PCNX3: variants seen among roughly 807,000 people sequenced by gnomAD.
PCNX3 encodes the protein pecanex-like protein 3.
PCNX3 carries 58 observed loss-of-function variants against 207.2 expected under a neutral mutation model. The ratio of observed to expected loss-of-function variants is 0.28; its 90% CI spans 0.23 to 0.35. PCNX3 has a LOEUF of 0.35. PCNX3 is among the 10% of genes least tolerant of loss of function. The pLI is 1.00. For missense variants in PCNX3, 2,410 were observed against 2,774.4 expected (o/e 0.87, Z 2.95); for synonymous variants, 1,337 against 1,183.5 (o/e 1.13, Z -2.66).
chr11:65,628,767 G>T, intron 23 of PCNX3, 52 bp from the exon 24 acceptor site: 4 of 1,595,066 alleles, frequency 2.5e-6, no homozygotes, highest in Non-Finnish European at 3.4e-6. Context: ...AGTGGGGGGT[G>T]GTGGGGGGCT....
In PCNX3 at chr11:65,617,473, C is replaced by G. The variant is rs117226025; in HGVS notation, c.445C>G (p.Leu149Val). The G allele has an allele frequency of 4.7e-3, 7,584 of 1,613,914 alleles. 25 individuals carry two copies. The highest frequency in any genetic ancestry group is 5.9e-3 in the Non-Finnish European group (7,002 of 1,179,842). Residue 149 changes from leucine (L) to valine (V), a missense_variant, in exon 4 of 35, where the codon CTG becomes GTG. Coordinates refer to ENST00000355703, the MANE Select transcript of PCNX3 (RefSeq NM_032223.4). ...TCATGGCTCTCTGTCTACTCAGGAG[C>G]TGCTGCCCCGAATGGAGGACTCTGG... ...SVFGFNQVSELLPRMEDSGPL... is the reference protein window; with the variant it reads ...SVFGFNQVSEVLPRMEDSGPL...
At position 65,626,978 on chromosome 11, in the gene PCNX3, G is replaced by T; in HGVS notation, c.3454G>T (p.Ala1152Ser). ...CGTAGAGAAGTACCTCATCTACCCC[G>T]CCGTGGTGCTCAACGCCCTCACGGT... is the stretch of plus-strand genomic sequence containing the variant. ...QCVEKYLIYP[A>S]VVLNALTVDA... is the part of the protein sequence containing the mutation. The change falls in exon 21 of 35, where the codon GCC becomes TCC. Residue 1152 changes from alanine (A) to serine (S), a missense_variant. Transcript: ENST00000355703. The T allele has an allele frequency of 6.4e-7, 1 of 1,560,742 alleles. No homozygotes were observed.
intron 11 of PCNX3, among the ~76,000 whole-genome samples, chr11:65,622,718 C>T (rs1855173293): frequency 1.3e-5 from 2 of 152,058 alleles, no homozygotes; most frequent in South Asian, 4.1e-4. Context: ...GCCTCAGCCT[C>T]CTGAGTAGCT....
In PCNX3 at chr11:65,636,752, C is replaced by A. The variant is rs1316714697; in HGVS notation, c.5893-14C>A. The A allele has an allele frequency of 2.6e-6, 4 of 1,520,532 alleles. No homozygotes were observed. The highest frequency in any genetic ancestry group is 4.0e-5 in the Admixed American group (2 of 49,514). The allele number at this position is 1,520,532 out of a possible 1,614,324, so 94.2% of individuals were successfully genotyped here. ...AAGGCCTGCTCACCCGCCAACCTCT[C>A]CCCCCTCCCCCAGGCGCCTCTAGAC... On this transcript the variant is annotated splice_polypyrimidine_tract_variant and intron_variant, in intron 34 of 34. Coordinates refer to ENST00000355703, the MANE Select transcript of PCNX3 (RefSeq NM_032223.4).
chr11:65,630,437 C>T lies in PCNX3; in HGVS notation c.4303C>T (p.Leu1435=). Residue 1435 remains leucine (L), a synonymous_variant, in exon 27 of 35, where the codon CTG becomes TTG. Coordinates refer to ENST00000355703, the MANE Select transcript of PCNX3 (RefSeq NM_032223.4). The part of the protein sequence containing the change: ...EGCCCCEPGH[L]PRVLSFNAAF... Reference sequence around the variant, plus strand: ...CTGTTGCTGCTGTGAACCTGGCCACCTGCCACGGGTCCTGTCCTTCAATGC... The same window carrying T: ...CTGTTGCTGCTGTGAACCTGGCCACTTGCCACGGGTCCTGTCCTTCAATGC... 1 of 1,613,664 alleles carries T rather than the reference C, an allele frequency of 6.2e-7. No homozygotes were observed. Among genetic ancestry groups the T allele is most frequent in the Non-Finnish European group, 8.5e-7 (1 of 1,179,904 alleles).
chr11:65,637,379 T>TTC lies in PCNX3; in HGVS notation c.*402_*403insCT, dbSNP rs1555002117. ...CTTTCTTTCCTTTTTTTTCTTTTCT[T>TTC]TTTTTTTTTTTTTTTTGTGCTTCGG... On this transcript the variant is annotated 3_prime_UTR_variant, in exon 35 of 35. Transcript: ENST00000355703. 12 of 149,508 alleles carry TTC rather than the reference T, an allele frequency of 8.0e-5. No individual in the cohort carries two copies. The highest frequency in any genetic ancestry group is 6.0e-4 in the Admixed American group (9 of 15,092). The allele number at this position is 149,508 out of a possible 1,614,324, so 9.3% of individuals were successfully genotyped here.
Position 65,618,116 on chromosome 11 carries a change from A to C in PCNX3, c.754A>C (p.Ser252Arg). ...KGSLSQELSK[S>R]FLTLTQPDRA... ...GAGCCTCAGCCAGGAGCTGAGCAAGAGCTTCCTGACCCTGACCCAGCCTGA... is the reference window on the plus strand; with the variant it reads ...GAGCCTCAGCCAGGAGCTGAGCAAGCGCTTCCTGACCCTGACCCAGCCTGA... Residue 252 changes from serine to arginine, a missense_variant, in exon 6 of 35, where the codon AGC (serine) becomes CGC (arginine). Transcript: ENST00000355703. 4.3e-6 allele frequency: 7 copies of C among 1,611,484 alleles called. No individual in the cohort carries two copies. Among genetic ancestry groups the C allele is most frequent in the Non-Finnish European group, 5.9e-6 (7 of 1,179,260 alleles).
Position 65,621,123 on chromosome 11 carries a change from T to A in PCNX3, c.2235+157T>A, listed in dbSNP as rs994321956. Among the ~76,000 whole-genome samples, 6 of 152,176 alleles carry A rather than the reference T, an allele frequency of 3.9e-5. 1 individual carries two copies. Among genetic ancestry groups the A allele is most frequent in the Non-Finnish European group, 8.8e-5 (6 of 68,014 alleles). ...GGCCCTACTGTGTCTGTCCTGATCT[T>A]TGATGTTGGCAGAGACTCTGGGTCT... is the stretch of plus-strand genomic sequence containing the variant. On this transcript the variant is annotated intron_variant, in intron 10 of 34. Transcript: ENST00000355703.
chr11:65,618,889 T>C lies in PCNX3; in HGVS notation c.1527T>C (p.Ala509=). 6.2e-7 allele frequency: 1 copy of C among 1,610,118 alleles called. No individual in the cohort carries two copies. Among genetic ancestry groups the C allele is most frequent in the Non-Finnish European group, 8.5e-7 (1 of 1,178,956 alleles). ...CCCGTGTGCTGAGCATGGATGGGGC[T>C]GGGGGTGATGTTCTGAGGCCCCCAC... ...THARVLSMDG[A]GGDVLRPPLA... Residue 509 remains alanine, a synonymous_variant, in exon 6 of 35, where the codon GCT becomes GCC. Coordinates refer to ENST00000355703, the MANE Select transcript of PCNX3 (RefSeq NM_032223.4).
rs370105459 is a variant in PCNX3 at position 65,627,499 on chromosome 11, G to T, written c.3619G>T (p.Val1207Phe). Residue 1207 changes from valine (V) to phenylalanine (F), a missense_variant, in exon 22 of 35, where the codon GTC becomes TTC. Transcript: ENST00000355703. ...PQQYLTLAFT[V>F]LLFHFDYPRL... is the part of the protein sequence containing the mutation. Reference sequence around the variant, plus strand: ...GCAGTACCTGACGTTGGCCTTCACCGTCCTGCTCTTCCACTTTGACTACCC... The same window carrying T: ...GCAGTACCTGACGTTGGCCTTCACCTTCCTGCTCTTCCACTTTGACTACCC... 7.4e-6 allele frequency: 12 copies of T among 1,613,690 alleles called. 1 individual carries two copies. Among genetic ancestry groups the T allele is most frequent in the Non-Finnish European group, 9.3e-6 (11 of 1,179,860 alleles).
intron 29 of PCNX3, 126 bp downstream of exon 29, chr11:65,634,767 T>G: frequency 8.5e-7 from 1 of 1,178,216 alleles, no homozygotes; most frequent in Non-Finnish European, 1.2e-6. Context: ...GGGGTACCTC[T>G]TCTCCCACGG....
At chr11:65,628,775 G>GGGGGGGGGGGGGGGC in intron 23 of PCNX3, 44 bp from the exon 24 acceptor site, 25 of 1,500,418 alleles carry the variant, frequency 1.7e-5, no homozygotes, top group East Asian at 9.6e-5. Flanking sequence ...GTGGTGGGGG[G>GGGGGGGGGGGGGGGC]CTGGGAGGTC....
chr11:65,633,199 A>T (rs1176159962), intron 27 of PCNX3, among the ~76,000 whole-genome samples: 1 of 152,016 alleles, frequency 6.6e-6, no homozygotes, highest in African/African-American at 2.4e-5. Flanking sequence ...AATCCCCATC[A>T]CCTCACTGGC....
intron 22 of PCNX3, among the ~76,000 whole-genome samples, chr11:65,628,393 C>T (rs564233111): frequency 6.6e-6 from 1 of 152,316 alleles, no homozygotes; most frequent in East Asian, 1.9e-4. Flanking sequence ...GCCACCGCCC[C>T]CTTTGAGCTC....
chr11:65,630,699 C>T (rs1316939086), intron 27 of PCNX3, 95 bp downstream of exon 27: 2 of 1,477,400 alleles, frequency 1.4e-6, no homozygotes, highest in Non-Finnish European at 1.8e-6. Flanking sequence ...TTGTTGGGAG[C>T]CTGTTTTGTC....
intron 5 of PCNX3, 90 bp downstream of exon 5, chr11:65,617,796 C>G (rs1854826438): frequency 6.7e-7 from 1 of 1,481,502 alleles, no homozygotes; most frequent in Non-Finnish European, 9.2e-7. Flanking sequence ...CCTGGGTCTC[C>G]TCTGTATTCC....
At chr11:65,620,695 C>A in intron 9 of PCNX3, 136 bp from the exon 10 acceptor site, 1 of 1,236,464 alleles carries the variant, frequency 8.1e-7, no homozygotes, top group Non-Finnish European at 1.1e-6. Context: ...TGCCACCTGA[C>A]CCCAGCACTT....
At chr11:65,628,769 T>TGGGGGGGGTGGG in intron 23 of PCNX3, 50 bp from the exon 24 acceptor site, 1 of 299,498 alleles carries the variant, frequency 3.3e-6, no homozygotes, top group Non-Finnish European at 5.6e-6. Flanking sequence ...TGGGGGGTGG[T>TGGGGGGGGTGGG]GGGGGGCTGG....
rs1855850135 is a variant in PCNX3 at position 65,636,532 on chromosome 11, CCA to C, written c.5738_5739del (p.Thr1913ArgfsTer17). ...GGACCACCCCCTGCATCGCCTATCCCCACAGAGGGTCCCCGGACCTCACGGCC... is the reference window on the plus strand; with the variant it reads ...GGACCACCCCCTGCATCGCCTATCCCCAGAGGGTCCCCGGACCTCACGGCC... On this transcript the variant is annotated frameshift_variant, in exon 34 of 35. Transcript: ENST00000355703. LOFTEE classifies it high-confidence loss of function. 1 of 1,591,614 alleles carries C rather than the reference CCA, an allele frequency of 6.3e-7. No homozygotes were observed. The highest frequency in any genetic ancestry group is 1.4e-5 in the African/African-American group (1 of 73,450).
Sources: gnomAD v4.1 joint callset for allele counts (sites outside exome capture counted in the v4.1 genomes callset) on GRCh38, gnomAD v4.1.1 for gene constraint, MANE v1.5 for transcripts, NCBI Gene and HGNC (gene_info 2026-07-23, HGNC 2026-07-21) for gene names.